GTF2E1: variants seen among roughly 807,000 people sequenced by gnomAD.
The protein encoded by GTF2E1 is TFIIE alpha subunit.
GTF2E1 carries 14 observed loss-of-function variants against 34.9 expected under a neutral mutation model. That is an observed-to-expected ratio of 0.40 (90% confidence interval 0.27 to 0.63). The LOEUF (loss-of-function observed/expected upper bound fraction) is 0.63. Ranked by LOEUF, GTF2E1 falls within the 20% of genes least tolerant of loss-of-function variation. The probability of loss-of-function intolerance (pLI) is 0.39; values close to 1 mark genes in which losing one functional copy is unlikely to be tolerated. For synonymous variants in GTF2E1, 188 were observed against 192.9 expected, an observed-to-expected ratio of 0.97 and a Z score of 0.21; for missense variants, 469 against 557.7, an observed-to-expected ratio of 0.84 and a Z score of 1.60.
chr3:120,746,712 T>C (rs1007540942), intron 1 of GTF2E1, among the ~76,000 whole-genome samples: 2 of 152,094 alleles, frequency 1.3e-5, no homozygotes, highest in Non-Finnish European at 2.9e-5. Context: ...GGTGGGAAGA[T>C]TGCTTGAGCC....
intron 4 of GTF2E1, 57 bp from the exon 5 acceptor site, chr3:120,780,986 T>C: frequency 9.0e-7 from 1 of 1,110,400 alleles, no homozygotes; most frequent in Non-Finnish European, 1.3e-6. Context: ...GTCTATATGC[T>C]ATAAAGAAAT....
chr3:120,770,017 A>G (rs1014516865), intron 2 of GTF2E1, among the ~76,000 whole-genome samples: 3 of 152,178 alleles, frequency 2.0e-5, no homozygotes, highest in African/African-American at 4.8e-5. Context: ...TTATGTATCA[A>G]TCATACATGG....
intron 2 of GTF2E1, among the ~76,000 whole-genome samples, chr3:120,763,796 AT>A (rs1309671702): frequency 6.6e-6 from 1 of 151,956 alleles, no homozygotes; most frequent in Non-Finnish European, 1.5e-5. Flanking sequence ...CGTGTAGACT[AT>A]TTGTCATAGC....
rs539106738 is a variant in GTF2E1 at position 120,742,923 on chromosome 3, G to A, written c.-31+129G>A. The A allele has an allele frequency of 1.8e-5, 4 of 222,858 alleles. No homozygotes were observed. The South Asian group carries it at 2.1e-4, about 12-fold the overall frequency. The allele number at this position is 222,858 out of a possible 1,614,324, so 13.8% of individuals were successfully genotyped here. A position where few individuals can be genotyped will look rare whatever the true frequency, so the allele number is the denominator to read the frequency against. ...ATTACCCTGTTGCCTTGGTCCTCTT[G>A]GTCCTCCAAAGAACCATTGACCCCG... is the stretch of plus-strand genomic sequence containing the variant. On this transcript the variant is annotated intron_variant, in intron 1 of 4. Coordinates refer to ENST00000283875, the MANE Select transcript of GTF2E1 (RefSeq NM_005513.3).
intron 4 of GTF2E1, among the ~76,000 whole-genome samples, chr3:120,780,388 A>T (rs1709436725): frequency 1.3e-5 from 2 of 152,226 alleles, no homozygotes; most frequent in African/African-American, 4.8e-5. Flanking sequence ...GATGGAAGGG[A>T]GTTAGCTGTG....
At chr3:120,755,907 T>A (rs1264049133) in intron 2 of GTF2E1, among the ~76,000 whole-genome samples, 1 of 152,234 alleles carries the variant, frequency 6.6e-6, no homozygotes. Context: ...AACATAATGA[T>A]TTCCAGTTCC....
chr3:120,758,426 A>G (rs1219699880), intron 2 of GTF2E1, among the ~76,000 whole-genome samples: 1 of 151,838 alleles, frequency 6.6e-6, no homozygotes, highest in Non-Finnish European at 1.5e-5. Context: ...TTTAAATTTT[A>G]TTTTTTTATT....
At chr3:120,774,517 A>G (rs1402799280) in intron 3 of GTF2E1, among the ~76,000 whole-genome samples, 3 of 152,170 alleles carry the variant, frequency 2.0e-5, no homozygotes, top group Non-Finnish European at 4.4e-5. Context: ...GGGACAGTTA[A>G]TGGTTAAATT....
intron 1 of GTF2E1, among the ~76,000 whole-genome samples, chr3:120,743,828 A>C (rs543980556): frequency 6.6e-6 from 1 of 152,206 alleles, no homozygotes; most frequent in South Asian, 2.1e-4. Flanking sequence ...CTGACAGGGT[A>C]GACAGAGGGC....
intron 2 of GTF2E1, among the ~76,000 whole-genome samples, chr3:120,764,868 A>C (rs1709293861): frequency 6.6e-6 from 1 of 152,196 alleles, no homozygotes; most frequent in South Asian, 2.1e-4. Flanking sequence ...ATGTTTGTTA[A>C]AATGAAATAT....
intron 2 of GTF2E1, among the ~76,000 whole-genome samples, chr3:120,761,663 T>C (rs548367871): frequency 1.3e-5 from 2 of 152,330 alleles, no homozygotes; most frequent in African/African-American, 4.8e-5. Flanking sequence ...TATTTCTGCC[T>C]TCATTTCATT....
chr3:120,745,053 C>G (rs1559828266), intron 1 of GTF2E1, among the ~76,000 whole-genome samples: 1 of 152,074 alleles, frequency 6.6e-6, no homozygotes, highest in Non-Finnish European at 1.5e-5. Flanking sequence ...AGGTGCATGG[C>G]ACCATACCTG....
chr3:120,774,803 T>C lies in GTF2E1; in HGVS notation c.651-1620T>C, dbSNP rs182995704. Among the ~76,000 whole-genome samples, 6 of 152,094 alleles carry C rather than the reference T, an allele frequency of 3.9e-5. No homozygotes were observed. The East Asian group carries it at 1.2e-3, about 29-fold the overall frequency. ...ACAGGCACCGGGAAGAAAAAGGCTG[T>C]GGGAGAAAGTGGTTTACAAAGTAGC... is the stretch of plus-strand genomic sequence containing the variant. On this transcript the variant is annotated intron_variant, in intron 3 of 4. Transcript: ENST00000283875.
At chr3:120,751,091 ATAT>A in intron 2 of GTF2E1, 91 bp downstream of exon 2, 1 of 761,242 alleles carries the variant, frequency 1.3e-6, no homozygotes, top group Non-Finnish European at 2.1e-6. Flanking sequence ...ACCATCATAT[ATAT>A]TATTATAAAA....
intron 1 of GTF2E1, among the ~76,000 whole-genome samples, chr3:120,748,326 A>G (rs1179176688): frequency 3.3e-4 from 50 of 151,948 alleles, no homozygotes; most frequent in African/African-American, 1.1e-3. Context: ...GTCCTTGCCC[A>G]TGCCTATGTC....
chr3:120,772,506 A>G (rs1709361811), intron 3 of GTF2E1, among the ~76,000 whole-genome samples: 1 of 152,180 alleles, frequency 6.6e-6, no homozygotes. Context: ...AAGAAAAGGA[A>G]TTCCTCTTTT....
chr3:120,763,040 G>A (rs555362557), intron 2 of GTF2E1, among the ~76,000 whole-genome samples: 8 of 152,226 alleles, frequency 5.3e-5, no homozygotes, highest in South Asian at 4.1e-4. Context: ...CTTCAGAAAC[G>A]CACAGGCATA....
At chr3:120,743,541 A>G (rs1021815817) in intron 1 of GTF2E1, among the ~76,000 whole-genome samples, 2 of 152,198 alleles carry the variant, frequency 1.3e-5, no homozygotes, top group Non-Finnish European at 2.9e-5. Flanking sequence ...TTGGTGAACA[A>G]GATGAAGTCT....
intron 2 of GTF2E1, among the ~76,000 whole-genome samples, chr3:120,754,018 G>A (rs745345534): frequency 2.4e-4 from 36 of 152,270 alleles, no homozygotes; most frequent in Middle Eastern, 3.4e-3. Context: ...CAGTGAATCA[G>A]CAAAATAACA....
Sources: allele counts gnomAD v4.1 joint callset (sites outside exome capture counted in the v4.1 genomes callset), GRCh38; gene constraint gnomAD v4.1.1; transcripts MANE v1.5; gene names NCBI Gene and HGNC (gene_info 2026-07-23, HGNC 2026-07-21).